Variants in MAGI2 observed in about 807,000 individuals in gnomAD.
MAGI2 encodes membrane associated guanylate kinase, WW and PDZ domain containing 2, also known as membrane-associated guanylate kinase, WW and PDZ domain-containing protein 2.
A neutral mutation model predicts 133.3 loss-of-function variants in MAGI2; 35 were observed. The ratio of observed to expected loss-of-function variants is 0.26; its 90% confidence interval spans 0.20 to 0.35. The LOEUF is 0.35. Among genes scored for constraint, MAGI2 ranks in the 10% least tolerant of loss-of-function variants. The probability of loss-of-function intolerance (pLI) is 1.00; values close to 1 mark genes in which losing one functional copy is unlikely to be tolerated. For synonymous variants in MAGI2, 729 were observed against 710.6 expected (o/e 1.03, Z -0.41); for missense variants, 1,636 against 1,863.4 (o/e 0.88, Z 2.25).
chr7:78,389,008 A>G (rs1056384622), intron 6 of MAGI2, among the ~76,000 whole-genome samples: 1 of 152,198 alleles, frequency 6.6e-6, no homozygotes, highest in African/African-American at 2.4e-5. Flanking sequence ...TCAATCAGTT[A>G]TTGTTACTCA....
chr7:78,197,404 A>G (rs1196801184), intron 11 of MAGI2, among the ~76,000 whole-genome samples: 1 of 152,230 alleles, frequency 6.6e-6, no homozygotes, highest in Non-Finnish European at 1.5e-5. Flanking sequence ...ACAAGGCTTC[A>G]GCAAATGTCT....
chr7:78,817,102 G>T (rs1227876388), intron 2 of MAGI2, among the ~76,000 whole-genome samples: 2 of 152,258 alleles, frequency 1.3e-5, no homozygotes, highest in Admixed American at 1.3e-4. Flanking sequence ...GACTTTTAGG[G>T]GTTCAAGATT....
intron 2 of MAGI2, among the ~76,000 whole-genome samples, chr7:78,841,048 A>G (rs1019471118): frequency 6.6e-6 from 1 of 152,020 alleles, no homozygotes; most frequent in African/African-American, 2.4e-5. Context: ...GCCAGAAAGC[A>G]TACTTTGTCC....
At chr7:78,136,138 T>TAC (rs1822099918) in intron 16 of MAGI2, among the ~76,000 whole-genome samples, 1 of 149,980 alleles carries the variant, frequency 6.7e-6, no homozygotes, top group Admixed American at 6.6e-5. Flanking sequence ...TTTTTTGAGA[T>TAC]GGAGTCTCAC....
intron 3 of MAGI2, chr7:78,616,980 A>G (rs1026211931): frequency 2.0e-5 from 3 of 152,178 alleles, no homozygotes; most frequent in Admixed American, 2.0e-4. Context: ...CTGACAATAA[A>G]CAAATAAATG....
At chr7:78,187,577 C>G (rs1827808034) in intron 12 of MAGI2, among the ~76,000 whole-genome samples, 1 of 152,046 alleles carries the variant, frequency 6.6e-6, no homozygotes, top group African/African-American at 2.4e-5. Context: ...AGTTTTGTTT[C>G]AAATAAAGAG....
chr7:78,679,184 A>G (rs1815378800), intron 2 of MAGI2, among the ~76,000 whole-genome samples: 1 of 151,190 alleles, frequency 6.6e-6, no homozygotes, highest in African/African-American at 2.4e-5. Flanking sequence ...CTTTCCTTTC[A>G]CTCTTTTCTC....
intron 1 of MAGI2, among the ~76,000 whole-genome samples, chr7:79,330,616 T>A (rs145794972): frequency 2.6e-5 from 4 of 152,112 alleles, no homozygotes; most frequent in Admixed American, 6.5e-5. Flanking sequence ...TAGTTACATG[T>A]ATGGGTCTTG....
chr7:78,360,262 C>A (rs1412772741), intron 7 of MAGI2, among the ~76,000 whole-genome samples: 1 of 152,038 alleles, frequency 6.6e-6, no homozygotes, highest in East Asian at 1.9e-4. Context: ...CTAGAAGATG[C>A]AAATGCCAGC....
At chr7:78,062,195 G>T (rs1027672861) in intron 21 of MAGI2, among the ~76,000 whole-genome samples, 7 of 152,206 alleles carry the variant, frequency 4.6e-5, no homozygotes, top group Non-Finnish European at 7.3e-5. Context: ...AAAAAAGAAA[G>T]CAGAAACAAC....
chr7:78,248,297 C>T (rs1792010470), intron 10 of MAGI2, among the ~76,000 whole-genome samples: 1 of 152,180 alleles, frequency 6.6e-6, no homozygotes, highest in South Asian at 2.1e-4. Context: ...GAAAGTACAA[C>T]ATTCACTGAT....
At position 78,356,992 on chromosome 7, in the gene MAGI2, C is replaced by A. The variant is rs1332629446; in HGVS notation, c.1104-10949G>T. Among the ~76,000 whole-genome samples, 3 of 152,198 alleles carry A rather than the reference C, an allele frequency of 2.0e-5. No homozygotes were observed. The East Asian group carries it at 5.8e-4, about 29-fold the overall frequency. On this transcript the variant is annotated intron_variant, in intron 7 of 21. Coordinates refer to ENST00000354212, the MANE Select transcript of MAGI2 (RefSeq NM_012301.4). ...CCCTAATGTTTCTGAACTGCAACTG[C>A]CTCATCTGTAAATATTCTACTCATT...
intron 2 of MAGI2, among the ~76,000 whole-genome samples, chr7:78,861,977 A>G (rs1228411742): frequency 6.6e-6 from 1 of 152,224 alleles, no homozygotes; most frequent in African/African-American, 2.4e-5. Flanking sequence ...TGGAATACCA[A>G]TTAAACCAAA....
intron 2 of MAGI2, among the ~76,000 whole-genome samples, chr7:78,694,551 C>A (rs1817302087): frequency 6.6e-6 from 1 of 152,104 alleles, no homozygotes; most frequent in Admixed American, 6.5e-5. Flanking sequence ...GTTCTAGTCC[C>A]CAAGCTCAAC....
intron 3 of MAGI2, among the ~76,000 whole-genome samples, chr7:78,598,071 A>C (rs1320677209): frequency 6.6e-6 from 1 of 152,210 alleles, no homozygotes; most frequent in Non-Finnish European, 1.5e-5. Context: ...TCCTCAAAGA[A>C]GAATGGTTCA....
chr7:79,179,026 T>A (rs1323551089), intron 1 of MAGI2, among the ~76,000 whole-genome samples: 1 of 152,078 alleles, frequency 6.6e-6, no homozygotes, highest in East Asian at 1.9e-4. Flanking sequence ...TAGGTACGAT[T>A]TTTGTCACTA....
chr7:78,116,208 A>T (rs774826846), intron 20 of MAGI2, among the ~76,000 whole-genome samples: 5 of 152,192 alleles, frequency 3.3e-5, no homozygotes, highest in Non-Finnish European at 7.4e-5. Context: ...CCTTCTAAAT[A>T]ATTCATGAGT....
intron 9 of MAGI2, among the ~76,000 whole-genome samples, chr7:78,286,197 T>G (rs1298948916): frequency 6.6e-6 from 1 of 152,102 alleles, no homozygotes; most frequent in East Asian, 1.9e-4. Context: ...AAATTTGTTT[T>G]CTCTCTTTTT....
chr7:78,955,643 C>A (rs1224745592), intron 2 of MAGI2, among the ~76,000 whole-genome samples: 5 of 145,008 alleles, frequency 3.4e-5, no homozygotes, highest in African/African-American at 1.3e-4. Context: ...CCCTCCTTTT[C>A]TCTCTCTCTC....
Sources: gnomAD v4.1 joint callset for allele counts (sites outside exome capture counted in the v4.1 genomes callset) on GRCh38, gnomAD v4.1.1 for gene constraint, MANE v1.5 for transcripts, NCBI Gene and HGNC (gene_info 2026-07-23, HGNC 2026-07-21) for gene names.